The following UCKL1 variants were observed in gnomAD, a reference collection of about 807,000 sequenced individuals.
UCKL1 encodes uridine-cytidine kinase-like 1.
Under a neutral mutation model 59.2 loss-of-function variants are expected in UCKL1, and 65 were observed. That is an observed-to-expected ratio of 1.10 (90% CI 0.90 to 1.35). UCKL1 has a LOEUF of 1.35. UCKL1 is among the 40% of genes most tolerant of loss of function. The pLI, the probability that UCKL1 is intolerant of heterozygous loss-of-function variation, is 0.00. For synonymous variants in UCKL1, 410 were observed against 323.1 expected (o/e 1.27, Z -2.88); for missense variants, 703 against 784.3 (o/e 0.90, Z 1.24).
intron 10 of UCKL1, 30 bp downstream of exon 10, chr20:63,940,920 C>A (rs764737829): frequency 4.6e-6 from 7 of 1,520,362 alleles, no homozygotes; most frequent in Non-Finnish European, 5.3e-6. Flanking sequence ...CAAGACCCAC[C>A]CTCCACCTCG....
Position 63,945,657 on chromosome 20 carries a change from C to CCGCCGGGT in UCKL1, c.647_648insACCCGGCG (p.Leu217ProfsTer9). ...ATTCCCGGCGGGTGCTTACCTCCAA[C>CCGCCGGGT]AGTGTCTTGTCAGCAAAGGCCATGA... is the stretch of plus-strand genomic sequence containing the variant. On this transcript the variant is annotated frameshift_variant, in exon 5 of 15. Coordinates refer to ENST00000354216, the MANE Select transcript of UCKL1 (RefSeq NM_017859.4). LOFTEE classifies it high-confidence loss of function. 1 of 1,612,978 alleles carries CCGCCGGGT rather than the reference C, an allele frequency of 6.2e-7. No homozygotes were observed. Among genetic ancestry groups the CCGCCGGGT allele is most frequent in the Non-Finnish European group, 8.5e-7 (1 of 1,179,864 alleles).
chr20:63,943,619 C>T (rs2055296862), intron 8 of UCKL1, 34 bp downstream of exon 8: 1 of 1,612,350 alleles, frequency 6.2e-7, no homozygotes, highest in African/African-American at 1.3e-5. Context: ...GTTGGAAGTG[C>T]CTCCATCTGT....
chr20:63,951,347 C>T (rs1442504508), intron 1 of UCKL1, among the ~76,000 whole-genome samples: 1 of 152,138 alleles, frequency 6.6e-6, no homozygotes, highest in Admixed American at 6.5e-5. Context: ...GACCACTGTG[C>T]GCCGTGTGCC....
chr20:63,948,411 G>A (rs1235402713), intron 1 of UCKL1: 14 of 151,678 alleles, frequency 9.2e-5, no homozygotes, highest in African/African-American at 4.9e-5. Context: ...GCCCGAAAAC[G>A]ACACAGAACA....
intron 7 of UCKL1, among the ~76,000 whole-genome samples, chr20:63,944,099 G>A (rs769872228): frequency 1.3e-5 from 2 of 152,226 alleles, no homozygotes; most frequent in Non-Finnish European, 1.5e-5. Flanking sequence ...GGTCATGCCT[G>A]TCTTCCCAAA....
rs1351755511 is a variant in UCKL1 at position 63,944,618 on chromosome 20, G to C, written c.771C>G (p.Asn257Lys). ...RDIEGVIKQY[N>K]KFVKPSFDQY... is the part of the protein sequence containing the mutation. ...GGTCGAAGGAGGGCTTGACAAACTT[G>C]TTGTACTGCTTGATGACACCCTCGA... Residue 257 changes from asparagine to lysine, a missense_variant, in exon 6 of 15, where the codon AAC (asparagine) becomes AAG (lysine). Transcript: ENST00000354216. 1.2e-6 allele frequency: 2 copies of C among 1,613,174 alleles called. No individual in the cohort carries two copies. The highest frequency in any genetic ancestry group is 1.7e-6 in the Non-Finnish European group (2 of 1,179,892).
intron 1 of UCKL1, among the ~76,000 whole-genome samples, chr20:63,952,101 C>G (rs998066711): frequency 5.9e-5 from 9 of 152,208 alleles, no homozygotes; most frequent in African/African-American, 2.2e-4. Context: ...CAGGTGCTTC[C>G]TCTCCTCATT....
At position 63,944,596 on chromosome 20, in the gene UCKL1, C is replaced by T. The variant is rs2055633955; in HGVS notation, c.793G>A (p.Asp265Asn). ...CGCATGGTGGGCTGGATGTACTGGTCGAAGGAGGGCTTGACAAACTTGTTG... is the reference window on the plus strand; with the variant it reads ...CGCATGGTGGGCTGGATGTACTGGTTGAAGGAGGGCTTGACAAACTTGTTG... ...QYNKFVKPSF[D>N]QYIQPTMRLA... The change falls in exon 6 of 15, where the codon GAC becomes AAC. Residue 265 changes from aspartate (D) to asparagine (N), a missense_variant. Physicochemically the swap from Asp to Asn is conservative, Grantham distance 23. Coordinates refer to ENST00000354216, the MANE Select transcript of UCKL1 (RefSeq NM_017859.4). 18 of 1,612,918 alleles carry T rather than the reference C, an allele frequency of 1.1e-5. No individual in the cohort carries two copies. The highest frequency in any genetic ancestry group is 1.4e-5 in the Non-Finnish European group (17 of 1,179,872).
At chr20:63,948,984 A>AGGGAGCCCAGCCCGAC (rs1467415179) in intron 1 of UCKL1, among the ~76,000 whole-genome samples, 1 of 152,050 alleles carries the variant, frequency 6.6e-6, no homozygotes, top group Non-Finnish European at 1.5e-5. Context: ...CAGTGGAAGG[A>AGGGAGCCCAGCCCGAC]GGGAGCCCAG....
chr20:63,950,727 C>T lies in UCKL1; in HGVS notation c.114-4084G>A, dbSNP rs79943637. 3.3e-3 allele frequency: 4,988 copies of T among 1,494,818 alleles called. 149 individuals are homozygous for T. In the African/African-American group the frequency reaches 0.062, roughly 19 times the overall value. The allele number at this position is 1,494,818 out of a possible 1,614,324, so 92.6% of individuals were successfully genotyped here. On this transcript the variant is annotated intron_variant, in intron 1 of 14. Transcript: ENST00000354216. ...CAGGACCACAGCACAAGTGGGTGCC[C>T]CTCACGGCAGAGACCTCCAGTCGAG...
At chr20:63,956,224 G>A (rs765949003) in intron 1 of UCKL1, 36 bp downstream of exon 1, 3 of 1,475,108 alleles carry the variant, frequency 2.0e-6, no homozygotes, top group Non-Finnish European at 2.7e-6. Flanking sequence ...GCCCCTTCCC[G>A]CTCGCCAGTG....
chr20:63,953,058 C>G (rs2057936097), intron 1 of UCKL1, among the ~76,000 whole-genome samples: 1 of 151,672 alleles, frequency 6.6e-6, no homozygotes, highest in African/African-American at 2.4e-5. Flanking sequence ...AGACCAGCCT[C>G]AACGTGGAGA....
chr20:63,942,370 G>A lies in UCKL1; in HGVS notation c.924-1162C>T, dbSNP rs529609314. ...AGAGGCGTGACAGCGGCAGGGAAAG[G>A]GGCGGGGCAGGAGCAGGAAAGAGGG... is the stretch of plus-strand genomic sequence containing the variant. On this transcript the variant is annotated intron_variant, in intron 8 of 14. Transcript: ENST00000354216. The A allele has an allele frequency of 1.2e-4, 140 of 1,166,374 alleles. 1 individual carries two copies. The African/African-American group carries it at 2.1e-3, about 17-fold the overall frequency. 72.3% of individuals were successfully genotyped at this position (1,166,374 alleles called of 1,614,324 possible).
intron 1 of UCKL1, among the ~76,000 whole-genome samples, chr20:63,950,574 G>A (rs2057432306): frequency 6.6e-6 from 1 of 152,132 alleles, no homozygotes; most frequent in South Asian, 2.1e-4. Flanking sequence ...AGAGAGACGC[G>A]CCCAGACCAA....
At position 63,946,590 on chromosome 20, in the gene UCKL1, G is replaced by A; in HGVS notation, c.167C>T (p.Ser56Phe). Residue 56 changes from serine (S) to phenylalanine (F), a missense_variant, in exon 2 of 15, where the codon TCT becomes TTT. Ser to Phe is a radical substitution (Grantham distance 155). Transcript: ENST00000354216. ...CTGGCTGGTGGTCCGCTTCCGGGGA[G>A]AGCGCCCAGTGCCCACAGGTGGCAG... is the stretch of plus-strand genomic sequence containing the variant. The part of the protein sequence containing the change: ...RLLPPVGTGR[S>F]PRKRTTSQCK... 1 of 1,611,350 alleles carries A rather than the reference G, an allele frequency of 6.2e-7. No homozygotes were observed. The highest frequency in any genetic ancestry group is 8.5e-7 in the Non-Finnish European group (1 of 1,179,860).
chr20:63,946,567 GGCTGGTGGTCC>G lies in UCKL1; in HGVS notation c.179_189del (p.Arg60ProfsTer27). On this transcript the variant is annotated frameshift_variant, in exon 2 of 15. Transcript: ENST00000354216. LOFTEE classifies it high-confidence loss of function. Reference sequence around the variant, plus strand: ...AGCAGGGGAGGCTCTGACTTGCACTGGCTGGTGGTCCGCTTCCGGGGAGAGCGCCCAGTGCC... The same window carrying G: ...AGCAGGGGAGGCTCTGACTTGCACTGGCTTCCGGGGAGAGCGCCCAGTGCC... 6.2e-7 allele frequency: 1 copy of G among 1,611,804 alleles called. No homozygotes were observed. The highest frequency in any genetic ancestry group is 8.5e-7 in the Non-Finnish European group (1 of 1,179,696).
chr20:63,940,086 G>A, intron 14 of UCKL1, 31 bp from the exon 15 acceptor site: 2 of 1,610,774 alleles, frequency 1.2e-6, no homozygotes, highest in South Asian at 1.1e-5. Context: ...GTCCAGTGTG[G>A]TGGGGCCTCC....
rs751327 is a variant in UCKL1 at position 63,946,260 on chromosome 20, T to C, written c.312A>G (p.Gly104=). The change falls in exon 3 of 15, where the codon GGA becomes GGG. Residue 104 remains glycine (G), a synonymous_variant. Transcript: ENST00000354216. The part of the protein sequence containing the change: ...QSKEAFAIGL[G]GGSASGKTTV... The stretch of plus-strand genomic sequence containing the variant: ...TGGTCTTCCCAGAGGCACTGCCGCC[T>C]CCCAAGCCTGCCGGCGGGAGTGGAG... 24,656 of 1,592,868 alleles carry C rather than the reference T, an allele frequency of 0.015. 3,261 individuals are homozygous for C. The African/African-American group carries it at 0.29, about 19-fold the overall frequency.
At chr20:63,955,076 C>G (rs933296483) in intron 1 of UCKL1, 2 of 152,158 alleles carry the variant, frequency 1.3e-5, no homozygotes, top group African/African-American at 4.8e-5. Flanking sequence ...AAATACCTCT[C>G]TACTAAAAAT....
Sources: allele counts gnomAD v4.1 joint callset (sites outside exome capture counted in the v4.1 genomes callset), GRCh38; gene constraint gnomAD v4.1.1; transcripts MANE v1.5; gene names NCBI Gene and HGNC (gene_info 2026-07-23, HGNC 2026-07-21).